Variants in MINAR1 observed in about 807,000 individuals in gnomAD.
MINAR1 encodes membrane integral NOTCH2 associated receptor 1, also known as major intrinsically disordered Notch2-binding receptor 1.
Under a neutral mutation model 65.1 loss-of-function variants are expected in MINAR1, and 40 were observed. That is an observed-to-expected ratio of 0.61 (90% CI 0.48 to 0.80). The LOEUF (loss-of-function observed/expected upper bound fraction) is 0.80, where lower values mean the gene tolerates loss of function less well. Among genes scored for constraint, MINAR1 ranks in the 30% least tolerant of loss-of-function variants. The pLI is 0.00. For synonymous variants in MINAR1, 482 were observed against 449.1 expected, an observed-to-expected ratio of 1.07 and a Z score of -0.93; for missense variants, 1,128 against 1,148.0, an observed-to-expected ratio of 0.98 and a Z score of 0.25.
In MINAR1 at chr15:79,458,043, G is replaced by T. The variant is rs943036378; in HGVS notation, c.1896G>T (p.Gln632His). 9.9e-6 allele frequency: 16 copies of T among 1,614,060 alleles called. No individual in the cohort carries two copies. The Admixed American group carries it at 1.0e-4, about 10-fold the overall frequency. Residue 632 changes from glutamine (Q) to histidine (H), a missense_variant, in exon 2 of 4, where the codon CAG (glutamine) becomes CAT (histidine). By Grantham distance (24) the Gln-to-His change is conservative. Coordinates refer to ENST00000305428, the MANE Select transcript of MINAR1 (RefSeq NM_015206.3). ...QVLGKLNKLD[Q>H]KMQQPEKVSV... is the part of the protein sequence containing the mutation. ...TGGGCAAACTAAATAAATTGGACCAGAAAATGCAACAGCCTGAGAAGGTGA... is the reference window on the plus strand; with the variant it reads ...TGGGCAAACTAAATAAATTGGACCATAAAATGCAACAGCCTGAGAAGGTGA...
the MINAR1 span, chr15:79,411,537 T>C: frequency 2.9e-6 from 2 of 700,582 alleles, no homozygotes; most frequent in East Asian, 2.7e-5. Context: ...TGAGAGTGGA[T>C]GGAGGGAAGA....
At chr15:79,446,259 A>G (rs1895015015) in intron 1 of MINAR1, among the ~76,000 whole-genome samples, 1 of 152,128 alleles carries the variant, frequency 6.6e-6, no homozygotes. Context: ...AAAAGTTTTA[A>G]TTCTGATCAC....
the MINAR1 span, chr15:79,412,213 C>T: frequency 9.5e-3 from 1,449 of 152,198 alleles, 12 homozygotes; most frequent in Non-Finnish European, 0.012. Flanking sequence ...CCATGGCCAT[C>T]CCCCCCAATC....
intron 2 of MINAR1, among the ~76,000 whole-genome samples, chr15:79,461,778 ACAC>A (rs1176210542): frequency 6.6e-6 from 1 of 152,128 alleles, no homozygotes; most frequent in Non-Finnish European, 1.5e-5. Flanking sequence ...GTACACACAT[ACAC>A]CACGTGTGCT....
At chr15:79,462,562 G>C (rs974779396) in intron 2 of MINAR1, among the ~76,000 whole-genome samples, 2 of 152,188 alleles carry the variant, frequency 1.3e-5, no homozygotes, top group African/African-American at 4.8e-5. Context: ...TCCCTCCAAA[G>C]AAGCAGTGTA....
At position 79,432,531 on chromosome 15, in the gene MINAR1, C is replaced by A. The variant is rs1382874201; in HGVS notation, c.-60C>A. 2.0e-5 allele frequency: 3 copies of A among 152,462 alleles called. No homozygotes were observed. Among genetic ancestry groups the A allele is most frequent in the African/African-American group, 7.2e-5 (3 of 41,450 alleles). 9.4% of individuals were successfully genotyped at this position (152,462 alleles called of 1,614,324 possible). ...AGAAGGGCGGGCCCTGCGCCCGGGGCGCCTCGGAGGTAAGTTCGGAGAGCC... is the reference window on the plus strand; with the variant it reads ...AGAAGGGCGGGCCCTGCGCCCGGGGAGCCTCGGAGGTAAGTTCGGAGAGCC... On this transcript the variant is annotated 5_prime_UTR_variant, in exon 1 of 4. Transcript: ENST00000305428.
intron 1 of MINAR1, among the ~76,000 whole-genome samples, chr15:79,447,522 C>A (rs942787165): frequency 3.9e-5 from 6 of 152,006 alleles, no homozygotes; most frequent in Admixed American, 3.9e-4. Context: ...TCTGCTGATT[C>A]TTACTCATTG....
At position 79,456,270 on chromosome 15, in the gene MINAR1, G is replaced by C; in HGVS notation, c.123G>C (p.Ser41=). Residue 41 remains serine, a synonymous_variant, in exon 2 of 4, where the codon TCG becomes TCC. Transcript: ENST00000305428. ...CKSLCARFDL[S]QLAKLRSVLF... ...CTCTCTGTGCCCGGTTCGACCTGTC[G>C]CAGCTTGCCAAACTGAGAAGTGTGC... is the stretch of plus-strand genomic sequence containing the variant. The C allele has an allele frequency of 6.2e-7, 1 of 1,614,076 alleles. No homozygotes were observed. The highest frequency in any genetic ancestry group is 1.1e-5 in the South Asian group (1 of 91,070).
chr15:79,416,059 T>G, the MINAR1 span: 1 of 152,238 alleles, frequency 6.6e-6, no homozygotes, highest in Admixed American at 6.5e-5. Context: ...TTTGAAGTTT[T>G]TGTTCACATA....
intron 2 of MINAR1, 66 bp downstream of exon 2, chr15:79,458,511 C>G: frequency 1.3e-6 from 2 of 1,540,316 alleles, no homozygotes; most frequent in South Asian, 1.3e-5. Context: ...TATTTCAAAG[C>G]CTTGAACATG....
chr15:79,430,422 T>C (rs1255489412), upstream of MINAR1, among the ~76,000 whole-genome samples: 1 of 152,196 alleles, frequency 6.6e-6, no homozygotes. Context: ...TCCATGTGGA[T>C]TCAACTGTTC....
the MINAR1 span, chr15:79,424,913 C>T: frequency 1.3e-5 from 2 of 152,168 alleles, no homozygotes; most frequent in Admixed American, 6.5e-5. Flanking sequence ...GATACTTCTT[C>T]CCAGGATGCA....
chr15:79,463,744 A>T (rs1475381379), intron 3 of MINAR1: 1 of 460,172 alleles, frequency 2.2e-6, no homozygotes, highest in Non-Finnish European at 4.4e-6. Flanking sequence ...TTATGTTTCC[A>T]TACGGAGCAG....
chr15:79,420,453 C>T, the MINAR1 span: 5 of 152,232 alleles, frequency 3.3e-5, no homozygotes, highest in Admixed American at 2.6e-4. Context: ...TACAAATTAT[C>T]GCAAAAGTAA....
At chr15:79,437,324 G>T (rs1305632519) in intron 1 of MINAR1, among the ~76,000 whole-genome samples, 1 of 152,138 alleles carries the variant, frequency 6.6e-6, no homozygotes, top group Non-Finnish European at 1.5e-5. Context: ...GGTGGGTAGT[G>T]ATTGGGTGTG....
intron 1 of MINAR1, among the ~76,000 whole-genome samples, chr15:79,452,678 C>T (rs1449833082): frequency 9.0e-6 from 1 of 111,038 alleles, no homozygotes; most frequent in Non-Finnish European, 1.8e-5. Flanking sequence ...GGGTATGAGT[C>T]TGGGTGTGTG....
chr15:79,418,360 G>A, the MINAR1 span: 1 of 152,228 alleles, frequency 6.6e-6, no homozygotes, highest in Admixed American at 6.5e-5. Flanking sequence ...TAAGTAAGAT[G>A]TTTAGGTGTA....
At position 79,457,797 on chromosome 15, in the gene MINAR1, G is replaced by A. The variant is rs775916966; in HGVS notation, c.1650G>A (p.Gln550=). The change falls in exon 2 of 4, where the codon CAG becomes CAA. Residue 550 remains glutamine (Q), a synonymous_variant. Transcript: ENST00000305428. ...SCYNSTGSLS[Q]LHKSDCDSSP... is the part of the protein sequence containing the mutation. The stretch of plus-strand genomic sequence containing the variant: ...ACAACAGCACAGGATCCTTGTCTCA[G>A]CTCCATAAGTCAGACTGCGACAGTT... 1.5e-5 allele frequency: 24 copies of A among 1,614,024 alleles called. No individual in the cohort carries two copies. Among genetic ancestry groups the A allele is most frequent in the Non-Finnish European group, 1.9e-5 (23 of 1,180,038 alleles).
At chr15:79,434,057 TGTCTGATAAATAAA>T (rs1894528334) in intron 1 of MINAR1, among the ~76,000 whole-genome samples, 1 of 152,062 alleles carries the variant, frequency 6.6e-6, no homozygotes, top group African/African-American at 2.4e-5. Flanking sequence ...AAACCTTAAA[TGTCTGATAAATAAA>T]GTCTGATTTT....
Sources: gnomAD v4.1 joint callset for allele counts (sites outside exome capture counted in the v4.1 genomes callset) on GRCh38, gnomAD v4.1.1 for gene constraint, MANE v1.5 for transcripts, NCBI Gene and HGNC (gene_info 2026-07-23, HGNC 2026-07-21) for gene names.